The following RBFOX3 variants were observed in gnomAD, a reference collection of about 807,000 sequenced individuals.
RBFOX3 encodes the protein RNA binding fox-1 homolog 3.
RBFOX3 carries 17 observed loss-of-function variants against 48.7 expected under a neutral mutation model. That is an observed-to-expected ratio of 0.35 (90% CI 0.24 to 0.52). RBFOX3 has a LOEUF of 0.52. Among genes scored for constraint, RBFOX3 ranks in the 20% least tolerant of loss-of-function variants. RBFOX3 has a pLI of 0.94. For synonymous variants in RBFOX3, 212 were observed against 209.5 expected (o/e 1.01, Z -0.10); for missense variants, 382 against 497.5 (o/e 0.77, Z 2.21).
rs900761616 is a variant in RBFOX3, at chr17:79,198,858, A to C, written c.-34+36908T>G. Among the ~76,000 whole-genome samples, 13 of 151,990 alleles carry C rather than the reference A, an allele frequency of 8.6e-5. No homozygotes were observed. The highest frequency in any genetic ancestry group is 3.1e-4 in the African/African-American group (13 of 41,360). On this transcript the variant is annotated intron_variant, in intron 4 of 14. Transcript: ENST00000693108. The surrounding 1 kb of genome is among the most constrained non-coding windows in gnomAD (Gnocchi z 8.2). ...TGGCCAGGCTAATCTCGAACTCCTG[A>C]CCTCAGGTGATCCACTCGCCTCGGC...
At chr17:79,551,536 T>TGGGG (rs1568407893) in intron 1 of RBFOX3, among the ~76,000 whole-genome samples, 1 of 28,676 alleles carries the variant, frequency 3.5e-5, no homozygotes, top group Non-Finnish European at 1.3e-4. Flanking sequence ...GATGGACGGG[T>TGGGG]GGGTGGGTGG....
chr17:79,608,794 G>C (rs1189223239), intron 1 of RBFOX3, among the ~76,000 whole-genome samples: 1 of 151,998 alleles, frequency 6.6e-6, no homozygotes, highest in Admixed American at 6.5e-5. Context: ...AGGCGCCCAC[G>C]CAGGAAGGCC....
At chr17:79,149,150 G>C (rs573843556) in intron 4 of RBFOX3, among the ~76,000 whole-genome samples, 1 of 152,322 alleles carries the variant, frequency 6.6e-6, no homozygotes, top group African/African-American at 2.4e-5. Context: ...GACCCCCGCT[G>C]CCTGCCAGGA....
At chr17:79,499,396 C>G (rs971056007) in intron 1 of RBFOX3, among the ~76,000 whole-genome samples, 78 of 149,580 alleles carry the variant, frequency 5.2e-4, no homozygotes, top group African/African-American at 1.8e-3. Flanking sequence ...CATTCATTCA[C>G]TCATCCATCC....
the RBFOX3 span, among the ~76,000 whole-genome samples, chr17:79,617,786 G>A: frequency 7.2e-5 from 11 of 152,298 alleles, no homozygotes; most frequent in African/African-American, 1.7e-4. Context: ...TGCACAGTCC[G>A]CCCATATCAC....
intron 6 of RBFOX3, among the ~76,000 whole-genome samples, chr17:79,104,988 TG>T (rs1460313405): frequency 6.6e-6 from 1 of 151,428 alleles, no homozygotes; most frequent in Non-Finnish European, 1.5e-5. Flanking sequence ...CTCCCATTGT[TG>T]GCCATAGTCC....
chr17:79,293,410 C>CCCTTCCTTCCTTCCTT (rs536224921), intron 3 of RBFOX3, among the ~76,000 whole-genome samples: 22 of 80,322 alleles, frequency 2.7e-4, no homozygotes, highest in South Asian at 6.5e-4. Flanking sequence ...TCCCCTCCAC[C>CCCTTCCTTCCTTCCTT]CCTTCCTTCC....
At chr17:79,151,880 C>G (rs1599695438) in intron 4 of RBFOX3, among the ~76,000 whole-genome samples, 1 of 14,802 alleles carries the variant, frequency 6.8e-5, no homozygotes. Flanking sequence ...GGAGGGGAGG[C>G]GATGGGAGGG....
In RBFOX3 at chr17:79,159,932, G is replaced by A. The variant is rs565697854; in HGVS notation, c.-33-44184C>T. Among the ~76,000 whole-genome samples, 14 of 152,292 alleles carry A rather than the reference G, an allele frequency of 9.2e-5. No individual in the cohort carries two copies. The South Asian group carries it at 2.1e-3, about 23-fold the overall frequency. Reference sequence around the variant, plus strand: ...ATGCGTGTCCGCCGAGTGTTCCAGCGTCCCGGGACAGTTCTCCCCAGCACC... The same window carrying A: ...ATGCGTGTCCGCCGAGTGTTCCAGCATCCCGGGACAGTTCTCCCCAGCACC... On this transcript the variant is annotated intron_variant, in intron 4 of 14. Coordinates refer to ENST00000693108, the MANE Select transcript of RBFOX3 (RefSeq NM_001350451.2).
chr17:79,130,305 C>T (rs957367766), intron 4 of RBFOX3, among the ~76,000 whole-genome samples: 1 of 152,196 alleles, frequency 6.6e-6, no homozygotes, highest in Admixed American at 6.5e-5. Context: ...CAAGAGCCTG[C>T]CCCCGCCCCT....
chr17:79,464,061 C>T (rs184495929), intron 2 of RBFOX3, among the ~76,000 whole-genome samples: 10 of 152,356 alleles, frequency 6.6e-5, no homozygotes, highest in African/African-American at 2.4e-5. Context: ...TGGGCTTAAC[C>T]GTAAGCCCTT....
intron 2 of RBFOX3, among the ~76,000 whole-genome samples, chr17:79,467,678 A>G (rs944092529): frequency 5.1e-4 from 77 of 152,240 alleles, no homozygotes; most frequent in African/African-American, 1.7e-3. Flanking sequence ...GCTTCCATCC[A>G]TGAGTGCCAG....
intron 2 of RBFOX3, among the ~76,000 whole-genome samples, chr17:79,430,999 G>A (rs906110002): frequency 3.9e-5 from 6 of 152,176 alleles, no homozygotes; most frequent in Non-Finnish European, 8.8e-5. Flanking sequence ...GCCGAAGATT[G>A]GAAATTCATT....
At chr17:79,373,152 T>C (rs1465818439) in intron 2 of RBFOX3, among the ~76,000 whole-genome samples, 3 of 152,076 alleles carry the variant, frequency 2.0e-5, no homozygotes, top group Non-Finnish European at 4.4e-5. Flanking sequence ...CCCATTTCCA[T>C]GTGTTACAAA....
At chr17:79,410,973 G>A (rs1241400168) in intron 2 of RBFOX3, among the ~76,000 whole-genome samples, 3 of 152,180 alleles carry the variant, frequency 2.0e-5, no homozygotes, top group African/African-American at 7.2e-5. Context: ...CGGCTGGGCT[G>A]GGCATCTGGA....
intron 4 of RBFOX3, among the ~76,000 whole-genome samples, chr17:79,180,433 C>G (rs1439522227): frequency 5.3e-5 from 8 of 152,236 alleles, no homozygotes; most frequent in African/African-American, 1.2e-4. Context: ...CTCTTGTTAT[C>G]AAATGTGCTG....
chr17:79,485,411 T>G (rs2079426844), intron 1 of RBFOX3, among the ~76,000 whole-genome samples: 1 of 151,824 alleles, frequency 6.6e-6, no homozygotes, highest in South Asian at 2.1e-4. Flanking sequence ...AAAGACAGGG[T>G]CGGGAGATGT....
chr17:79,500,235 C>T (rs2082204359), intron 1 of RBFOX3, among the ~76,000 whole-genome samples: 1 of 150,064 alleles, frequency 6.7e-6, no homozygotes, highest in Non-Finnish European at 1.5e-5. Flanking sequence ...ACTTGTGAAC[C>T]ATAAAGAGAA....
chr17:79,456,079 C>T (rs955378792), intron 2 of RBFOX3, among the ~76,000 whole-genome samples: 20 of 152,262 alleles, frequency 1.3e-4, no homozygotes, highest in African/African-American at 4.3e-4. Flanking sequence ...AGGCCCCACC[C>T]CAAGCCTAAA....
Sources: gnomAD v4.1 joint callset for allele counts (sites outside exome capture counted in the v4.1 genomes callset) on GRCh38, gnomAD v4.1.1 for gene constraint, Gnocchi (gnomAD v3.1) non-coding constraint, MANE v1.5 for transcripts, NCBI Gene and HGNC (gene_info 2026-07-23, HGNC 2026-07-21) for gene names.